SPECC1L: variants seen among roughly 807,000 people sequenced by gnomAD.
SPECC1L encodes the protein cytospin-A.
Under a neutral mutation model 116.8 loss-of-function variants are expected in SPECC1L, and 40 were observed. That is an observed-to-expected ratio of 0.34 (90% CI 0.27 to 0.45). The LOEUF is 0.45. Ranked by LOEUF, SPECC1L falls within the 20% of genes least tolerant of loss-of-function variation. SPECC1L has a pLI of 1.00. For synonymous variants in SPECC1L, 504 were observed against 500.6 expected (o/e 1.01, Z -0.09); for missense variants, 1,110 against 1,373.6 (o/e 0.81, Z 3.03).
rs768257665 is a variant in SPECC1L at position 24,334,397 on chromosome 22, A to G, written c.2397-13A>G. On this transcript the variant is annotated splice_polypyrimidine_tract_variant and intron_variant, in intron 8 of 16. Transcript: ENST00000314328. Reference sequence around the variant, plus strand: ...CCTATGTAAAAATGCTCTGATTTCAATATTATTTTCAGGCAAGAGGAGGAG... The same window carrying G: ...CCTATGTAAAAATGCTCTGATTTCAGTATTATTTTCAGGCAAGAGGAGGAG... 1.9e-6 allele frequency: 3 copies of G among 1,613,924 alleles called. No homozygotes were observed. The highest frequency in any genetic ancestry group is 1.7e-4 in the Middle Eastern group (1 of 6,058).
At chr22:24,393,578 A>G (rs1424745420) in intron 14 of SPECC1L, among the ~76,000 whole-genome samples, 3 of 152,164 alleles carry the variant, frequency 2.0e-5, no homozygotes, top group Non-Finnish European at 2.9e-5. Context: ...TACCTGTACT[A>G]CATTCAGTTA....
In SPECC1L at chr22:24,410,924, C is replaced by T. The variant is rs139004487; in HGVS notation, c.3088-664C>T. Among the ~76,000 whole-genome samples the T allele has an allele frequency of 9.7e-3, 1,478 of 152,254 alleles. 26 individuals are homozygous for T. The highest frequency in any genetic ancestry group is 0.033 in the African/African-American group (1,390 of 41,526). On this transcript the variant is annotated intron_variant, in intron 14 of 16. Transcript: ENST00000314328. ...TGATTACCGGCCAGGTGCGGTGGCT[C>T]ACACCTATAATCCCAGCACTTCGGG...
At chr22:24,317,432 C>CG (rs1247019210) in intron 4 of SPECC1L, among the ~76,000 whole-genome samples, 12 of 110,656 alleles carry the variant, frequency 1.1e-4, no homozygotes, top group African/African-American at 3.8e-4. Context: ...GCTGGCCGGG[C>CG]GGGGGGCTGA....
chr22:24,285,640 G>GTT (rs138546470), intron 2 of SPECC1L, among the ~76,000 whole-genome samples: 2,131 of 150,308 alleles, frequency 0.014, 60 homozygotes, highest in African/African-American at 0.049. Flanking sequence ...TTTTTTTTTT[G>GTT]TTGTTTTGTT....
intron 3 of SPECC1L, among the ~76,000 whole-genome samples, chr22:24,304,739 C>A (rs1601524656): frequency 6.6e-6 from 1 of 152,292 alleles, no homozygotes. Flanking sequence ...GATATTTCTC[C>A]ATGATTATTT....
rs750961609 is a variant in SPECC1L at position 24,321,878 on chromosome 22, C to T, written c.898C>T (p.Pro300Ser). The change falls in exon 5 of 17, where the codon CCT becomes TCT. Residue 300 changes from proline (P) to serine (S), a missense_variant. By Grantham distance (74) the Pro-to-Ser change is moderately conservative. Transcript: ENST00000314328. ...GYQSLSPEIT[P>S]GNQSDGGGTL... is the part of the protein sequence containing the mutation. The stretch of plus-strand genomic sequence containing the variant: ...TCAGTCCCTGAGCCCAGAAATCACC[C>T]CTGGTAACCAGAGCGATGGAGGAGG... 6 of 1,614,236 alleles carry T rather than the reference C, an allele frequency of 3.7e-6. No individual in the cohort carries two copies. Among genetic ancestry groups the T allele is most frequent in the Non-Finnish European group, 5.1e-6 (6 of 1,180,046 alleles).
At chr22:24,295,824 C>T (rs1387295833) in intron 2 of SPECC1L, among the ~76,000 whole-genome samples, 1 of 152,000 alleles carries the variant, frequency 6.6e-6, no homozygotes, top group Non-Finnish European at 1.5e-5. Context: ...GGCAGGCGCC[C>T]ATAATCCCAC....
chr22:24,318,375 G>A (rs2040646933), intron 4 of SPECC1L, among the ~76,000 whole-genome samples: 3 of 152,288 alleles, frequency 2.0e-5, no homozygotes, highest in Admixed American at 6.5e-5. Context: ...ACGAAAACCA[G>A]TCAGGCGTGG....
intron 4 of SPECC1L, 77 bp from the exon 5 acceptor site, chr22:24,321,211 G>C (rs747818601): frequency 2.1e-4 from 260 of 1,265,880 alleles, no homozygotes; most frequent in Non-Finnish European, 2.5e-4. Context: ...CATTACACCT[G>C]GGGCAGGAAC....
intron 14 of SPECC1L, among the ~76,000 whole-genome samples, chr22:24,402,479 T>C (rs2042498422): frequency 6.6e-6 from 1 of 152,134 alleles, no homozygotes; most frequent in South Asian, 2.1e-4. Flanking sequence ...TGCCACAGTA[T>C]AGGGGGGCAT....
intron 4 of SPECC1L, among the ~76,000 whole-genome samples, chr22:24,317,983 T>C (rs2040634526): frequency 6.8e-6 from 1 of 146,334 alleles, no homozygotes; most frequent in African/African-American, 2.6e-5. Context: ...GAAGAGGCGC[T>C]CCTCACTTCC....
intron 14 of SPECC1L, among the ~76,000 whole-genome samples, chr22:24,384,063 G>A (rs1220187084): frequency 6.6e-6 from 1 of 151,846 alleles, no homozygotes; most frequent in Non-Finnish European, 1.5e-5. Context: ...GGATTGATCA[G>A]TAAGAAATAT....
At chr22:24,316,176 A>G (rs550992638) in intron 4 of SPECC1L, among the ~76,000 whole-genome samples, 38 of 152,336 alleles carry the variant, frequency 2.5e-4, no homozygotes, top group Middle Eastern at 3.4e-3. Context: ...CCATGTATCA[A>G]TTCACTTGTC....
In SPECC1L at chr22:24,393,839, C is replaced by G. The variant is rs147743272; in HGVS notation, c.3088-17749C>G. Among the ~76,000 whole-genome samples, 1,123 of 152,288 alleles carry G rather than the reference C, an allele frequency of 7.4e-3. 10 individuals carry two copies. The highest frequency in any genetic ancestry group is 8.5e-3 in the Admixed American group (130 of 15,296). On this transcript the variant is annotated intron_variant, in intron 14 of 16. Coordinates refer to ENST00000314328, the MANE Select transcript of SPECC1L (RefSeq NM_015330.6). ...GCCCCTTTGTACTGCCGTCATCCTG[C>G]TTCTCCCCCACATTTCCCATCCCCA...
chr22:24,404,332 C>G (rs1477373980), intron 14 of SPECC1L, among the ~76,000 whole-genome samples: 1 of 152,194 alleles, frequency 6.6e-6, no homozygotes, highest in Non-Finnish European at 1.5e-5. Context: ...CACTGCTCTC[C>G]TGACTCACGT....
chr22:24,324,597 T>A (rs1386780913), intron 6 of SPECC1L, among the ~76,000 whole-genome samples, 170 bp downstream of exon 6: 1 of 152,196 alleles, frequency 6.6e-6, no homozygotes, highest in Non-Finnish European at 1.5e-5. Context: ...ACACCTGTAA[T>A]CCCAGCACCT....
chr22:24,353,432 G>A (rs756942466), intron 11 of SPECC1L, among the ~76,000 whole-genome samples: 8 of 151,830 alleles, frequency 5.3e-5, no homozygotes, highest in South Asian at 2.1e-4. Context: ...AGTTTTTTTC[G>A]TTTTTTGTTT....
intron 14 of SPECC1L, among the ~76,000 whole-genome samples, chr22:24,377,252 C>G (rs2041988792): frequency 6.6e-6 from 1 of 152,072 alleles, no homozygotes; most frequent in Admixed American, 6.6e-5. Context: ...TTCTTCTGTT[C>G]AAGATGGTGT....
intron 11 of SPECC1L, among the ~76,000 whole-genome samples, chr22:24,362,068 A>G (rs1044933171): frequency 1.3e-5 from 2 of 152,150 alleles, no homozygotes; most frequent in Non-Finnish European, 2.9e-5. Flanking sequence ...CATTACATAC[A>G]AGGTTTGGTG....
Sources: allele counts gnomAD v4.1 joint callset (sites outside exome capture counted in the v4.1 genomes callset), GRCh38; gene constraint gnomAD v4.1.1; transcripts MANE v1.5; gene names NCBI Gene and HGNC (gene_info 2026-07-23, HGNC 2026-07-21).